The following SDC2 variants were observed in gnomAD, a reference collection of about 807,000 sequenced individuals.
The protein encoded by SDC2 is syndecan-2.
In SDC2, 13 loss-of-function variants were observed where a neutral mutation model predicts 22.2. The observed-to-expected ratio is 0.59, with a 90% CI of 0.38 to 0.93. SDC2 has a LOEUF of 0.93. SDC2 is among the 40% of genes least tolerant of loss of function. The probability of loss-of-function intolerance (pLI) is 0.00; values close to 1 mark genes in which losing one functional copy is unlikely to be tolerated. For missense variants in SDC2, 235 were observed against 246.8 expected (o/e 0.95, Z 0.32); for synonymous variants, 94 against 92.8 (o/e 1.01, Z -0.07).
intron 1 of SDC2, among the ~76,000 whole-genome samples, chr8:96,505,139 A>C (rs757342982): frequency 6.6e-6 from 1 of 152,168 alleles, no homozygotes; most frequent in Non-Finnish European, 1.5e-5. Context: ...TATGATGCTT[A>C]ATTATATTTT....
chr8:96,502,024 T>A (rs1180061359), intron 1 of SDC2, among the ~76,000 whole-genome samples: 2 of 152,174 alleles, frequency 1.3e-5, no homozygotes, highest in East Asian at 3.8e-4. Context: ...GTATTCGTGA[T>A]CTAATGTCTA....
At chr8:96,582,026 C>G (rs1447139619) in intron 1 of SDC2, among the ~76,000 whole-genome samples, 1 of 152,226 alleles carries the variant, frequency 6.6e-6, no homozygotes, top group Non-Finnish European at 1.5e-5. Flanking sequence ...TGACCGGGAG[C>G]TAATGCTTCT....
At chr8:96,605,797 C>A (rs1815068875) in intron 3 of SDC2, among the ~76,000 whole-genome samples, 1 of 152,072 alleles carries the variant, frequency 6.6e-6, no homozygotes, top group South Asian at 2.1e-4. Context: ...TCTTACATAC[C>A]CTAGAGTACA....
chr8:96,498,581 C>G (rs552433538), intron 1 of SDC2, among the ~76,000 whole-genome samples: 2 of 152,104 alleles, frequency 1.3e-5, no homozygotes, highest in Admixed American at 6.6e-5. Context: ...ACCACCACCT[C>G]CCAGGTTCAA....
rs1813008944 is a variant in SDC2 at position 96,494,173 on chromosome 8, T to C, written c.-99T>C. On this transcript the variant is annotated 5_prime_UTR_variant, in exon 1 of 5. Coordinates refer to ENST00000302190, the MANE Select transcript of SDC2 (RefSeq NM_002998.4). ...AGCCGCAATCGCTGCGGTACTCTGC[T>C]CCGGATTCGTGTGCGCGGGCTGCGC... The C allele has an allele frequency of 3.9e-6, 5 of 1,290,520 alleles. No individual in the cohort carries two copies. Among genetic ancestry groups the C allele is most frequent in the Admixed American group, 2.2e-5 (1 of 46,434 alleles). The allele number at this position is 1,290,520 out of a possible 1,614,324, so 79.9% of individuals were successfully genotyped here. A position where few individuals can be genotyped will look rare whatever the true frequency, so the allele number is the denominator to read the frequency against.
intron 1 of SDC2, among the ~76,000 whole-genome samples, chr8:96,506,441 A>G (rs1233855818): frequency 6.6e-6 from 1 of 152,034 alleles, no homozygotes; most frequent in African/African-American, 2.4e-5. Flanking sequence ...CTTATATATT[A>G]TACACATCAT....
At position 96,610,060 on chromosome 8, in the gene SDC2, T is replaced by A. The variant is rs1481454757; in HGVS notation, c.*512T>A. 6.5e-6 allele frequency: 1 copy of A among 152,686 alleles called. No individual in the cohort carries two copies. Among genetic ancestry groups the A allele is most frequent in the Admixed American group, 6.5e-5 (1 of 15,286 alleles). 9.5% of individuals were successfully genotyped at this position (152,686 alleles called of 1,614,324 possible). A position where few individuals can be genotyped will look rare whatever the true frequency, so the allele number is the denominator to read the frequency against. ...TCAGATAATGGTAATTTAGTGTATA[T>A]GTGATTTTCAAATATGTAAACTTTA... On this transcript the variant is annotated 3_prime_UTR_variant, in exon 5 of 5. Coordinates refer to ENST00000302190, the MANE Select transcript of SDC2 (RefSeq NM_002998.4).
At chr8:96,544,769 AC>A (rs1247040584) in intron 1 of SDC2, among the ~76,000 whole-genome samples, 1 of 152,172 alleles carries the variant, frequency 6.6e-6, no homozygotes, top group Non-Finnish European at 1.5e-5. Flanking sequence ...GGTTACACCC[AC>A]TCATAAGATA....
chr8:96,542,945 T>C (rs949443287), intron 1 of SDC2, among the ~76,000 whole-genome samples: 3 of 152,046 alleles, frequency 2.0e-5, no homozygotes, highest in African/African-American at 7.3e-5. Flanking sequence ...GGGGAACATA[T>C]AGAGAGGATA....
chr8:96,595,103 T>A (rs1814850138), intron 2 of SDC2, among the ~76,000 whole-genome samples: 1 of 152,098 alleles, frequency 6.6e-6, no homozygotes. Context: ...AAGTGAGAAA[T>A]TTGTGGTCAG....
chr8:96,592,059 T>C (rs1814790203), intron 1 of SDC2, among the ~76,000 whole-genome samples: 1 of 152,146 alleles, frequency 6.6e-6, no homozygotes, highest in African/African-American at 2.4e-5. Context: ...ACTAGAAAAG[T>C]TGCAGCACAC....
chr8:96,567,351 A>G (rs1005521425), intron 1 of SDC2, among the ~76,000 whole-genome samples: 3 of 152,232 alleles, frequency 2.0e-5, no homozygotes, highest in South Asian at 2.1e-4. Context: ...ATGTTTTGCC[A>G]TTAAAAATTT....
chr8:96,568,656 A>G (rs1203385795), intron 1 of SDC2, among the ~76,000 whole-genome samples: 3 of 152,218 alleles, frequency 2.0e-5, no homozygotes, highest in Non-Finnish European at 4.4e-5. Flanking sequence ...CTGATTAAAT[A>G]ACTGTAAATT....
intron 1 of SDC2, among the ~76,000 whole-genome samples, chr8:96,531,146 C>T (rs1238015960): frequency 6.6e-6 from 1 of 152,214 alleles, no homozygotes; most frequent in Non-Finnish European, 1.5e-5. Flanking sequence ...AGATGAGACA[C>T]ATCTGCATTT....
intron 1 of SDC2, among the ~76,000 whole-genome samples, chr8:96,591,369 A>G (rs939057668): frequency 6.6e-6 from 1 of 152,212 alleles, no homozygotes. Flanking sequence ...TAGGCTTAAA[A>G]TGGAGAGATT....
intron 1 of SDC2, chr8:96,537,227 G>C (rs1172352312): frequency 2.6e-5 from 4 of 152,154 alleles, no homozygotes; most frequent in African/African-American, 9.7e-5. Flanking sequence ...CTTACCAAAA[G>C]AATTTATAAA....
At chr8:96,568,954 T>G (rs1814345623) in intron 1 of SDC2, among the ~76,000 whole-genome samples, 1 of 152,116 alleles carries the variant, frequency 6.6e-6, no homozygotes, top group Non-Finnish European at 1.5e-5. Context: ...GGCTGCTGCT[T>G]GGATAAGAAT....
chr8:96,540,914 C>G (rs1177053701), intron 1 of SDC2, among the ~76,000 whole-genome samples: 1 of 152,006 alleles, frequency 6.6e-6, no homozygotes, highest in Non-Finnish European at 1.5e-5. Context: ...TAGAAGAGAG[C>G]CTTGGAGAAG....
intron 1 of SDC2, among the ~76,000 whole-genome samples, chr8:96,535,751 A>C (rs1001052083): frequency 6.6e-6 from 1 of 152,216 alleles, no homozygotes; most frequent in African/African-American, 2.4e-5. Flanking sequence ...CCTCCGTTCA[A>C]AACTTAGAAA....
Sources: allele counts gnomAD v4.1 joint callset (sites outside exome capture counted in the v4.1 genomes callset), GRCh38; gene constraint gnomAD v4.1.1; transcripts MANE v1.5; gene names NCBI Gene and HGNC (gene_info 2026-07-23, HGNC 2026-07-21).